The following ULK4 variants were observed in gnomAD, a reference collection of about 807,000 sequenced individuals.
ULK4 encodes inactive serine/threonine-protein kinase ULK4.
Under a neutral mutation model 160.6 loss-of-function variants are expected in ULK4, and 133 were observed. That is an observed-to-expected ratio of 0.83 (90% CI 0.72 to 0.96). The LOEUF (loss-of-function observed/expected upper bound fraction) is 0.96, where lower values mean the gene tolerates loss of function less well. Among genes scored for constraint, ULK4 ranks in the 40% least tolerant of loss-of-function variants. The pLI, the probability that ULK4 is intolerant of heterozygous loss-of-function variation, is 0.00. For synonymous variants in ULK4, 534 were observed against 539.8 expected, an observed-to-expected ratio of 0.99 and a Z score of 0.15; for missense variants, 1,580 against 1,499.5, an observed-to-expected ratio of 1.05 and a Z score of -0.89.
At chr3:41,617,506 G>A (rs145341558) in intron 30 of ULK4, among the ~76,000 whole-genome samples, 1 of 152,116 alleles carries the variant, frequency 6.6e-6, no homozygotes, top group Non-Finnish European at 1.5e-5. Context: ...CCAGCAAACT[G>A]CAGTAGACCT....
chr3:41,936,380 C>A (rs911197171), intron 3 of ULK4, among the ~76,000 whole-genome samples: 1 of 152,176 alleles, frequency 6.6e-6, no homozygotes, highest in African/African-American at 2.4e-5. Flanking sequence ...ACCCTTAGCA[C>A]GCGCCATTGA....
At chr3:41,306,705 A>C (rs2079947281) in intron 35 of ULK4, among the ~76,000 whole-genome samples, 1 of 152,054 alleles carries the variant, frequency 6.6e-6, no homozygotes, top group Non-Finnish European at 1.5e-5. Flanking sequence ...GGAATAGAAA[A>C]GGGGGAAAGG....
intron 30 of ULK4, among the ~76,000 whole-genome samples, chr3:41,642,662 G>A (rs1197735903): frequency 1.3e-5 from 2 of 152,160 alleles, no homozygotes; most frequent in Non-Finnish European, 2.9e-5. Flanking sequence ...GTGTGCATGT[G>A]TCTTTATAGC....
intron 18 of ULK4, among the ~76,000 whole-genome samples, chr3:41,821,935 AC>A (rs2041159801): frequency 1.3e-5 from 2 of 152,254 alleles, no homozygotes; most frequent in South Asian, 4.1e-4. Context: ...GCCTTAAACT[AC>A]ATTCAGCCCT....
chr3:41,287,416 T>C (rs1247467558), intron 35 of ULK4, among the ~76,000 whole-genome samples: 1 of 152,230 alleles, frequency 6.6e-6, no homozygotes. Flanking sequence ...CTTCCTCTGT[T>C]TTCTGCCCCT....
intron 35 of ULK4, among the ~76,000 whole-genome samples, chr3:41,358,042 C>T (rs984342753): frequency 2.0e-5 from 3 of 152,208 alleles, no homozygotes; most frequent in Admixed American, 1.3e-4. Flanking sequence ...CCAGTAAGTG[C>T]TGGAGGCAGG....
intron 32 of ULK4, among the ~76,000 whole-genome samples, chr3:41,504,742 A>G (rs555329261): frequency 6.6e-6 from 1 of 152,350 alleles, no homozygotes; most frequent in East Asian, 1.9e-4. Flanking sequence ...ATATAGTTAC[A>G]CTTAGGTCTA....
At chr3:41,503,724 C>G (rs1396262734) in intron 32 of ULK4, among the ~76,000 whole-genome samples, 1 of 151,958 alleles carries the variant, frequency 6.6e-6, no homozygotes, top group Non-Finnish European at 1.5e-5. Flanking sequence ...ATGTTTTTGT[C>G]TTTTAAAAAA....
intron 34 of ULK4, among the ~76,000 whole-genome samples, chr3:41,435,951 CATAAATAAATAAATAA>C (rs58982909): frequency 4.7e-5 from 7 of 150,236 alleles, no homozygotes; most frequent in South Asian, 2.1e-4. Context: ...CCGTCTCATT[CATAAATAAATAAATAA>C]ATAAATAAAT....
intron 35 of ULK4, among the ~76,000 whole-genome samples, chr3:41,302,887 C>G (rs1263763359): frequency 6.6e-6 from 1 of 151,980 alleles, no homozygotes; most frequent in East Asian, 1.9e-4. Flanking sequence ...TTTAAATGTT[C>G]AGAAATCTAA....
intron 34 of ULK4, among the ~76,000 whole-genome samples, chr3:41,449,673 T>C (rs893809769): frequency 2.6e-5 from 4 of 151,908 alleles, no homozygotes; most frequent in Non-Finnish European, 5.9e-5. Context: ...CCACCACCAT[T>C]TGAAAAGAAA....
At chr3:41,644,196 C>G (rs747618255) in intron 30 of ULK4, among the ~76,000 whole-genome samples, 1 of 152,038 alleles carries the variant, frequency 6.6e-6, no homozygotes, top group Non-Finnish European at 1.5e-5. Flanking sequence ...CCTTCTCCTG[C>G]CTAATTGTCC....
intron 22 of ULK4, among the ~76,000 whole-genome samples, chr3:41,724,349 G>C (rs13070264): frequency 6.6e-6 from 1 of 152,110 alleles, no homozygotes; most frequent in East Asian, 1.9e-4. Flanking sequence ...AGCATGCCTC[G>C]ATTCAGTTTC....
rs140234589 is a variant in ULK4, at chr3:41,715,343, G to A, written c.2578-50C>T. 1.1e-3 allele frequency: 1,695 copies of A among 1,609,970 alleles called. 10 individuals carry two copies. The African/African-American group carries it at 0.019, about 18-fold the overall frequency. Reference sequence around the variant, plus strand: ...TTAAATTCTGGAAGCTATGTACAACGTTAGCTCAATAAAAAAAAAATGTTT... The same window carrying A: ...TTAAATTCTGGAAGCTATGTACAACATTAGCTCAATAAAAAAAAAATGTTT... On this transcript the variant is annotated intron_variant, in intron 24 of 36. Coordinates refer to ENST00000301831, the MANE Select transcript of ULK4 (RefSeq NM_017886.4).
At chr3:41,913,142 G>T in intron 8 of ULK4, 1 of 303,814 alleles carries the variant, frequency 3.3e-6, no homozygotes. Flanking sequence ...AGCATTAGAA[G>T]TTTCAGGGTT....
rs1491135487 is a variant in ULK4, at chr3:41,506,765, A to AAAAAAAAAAAATATATATATAT, written c.3227-43513_3227-43512insATATATATATATTTTTTTTTTT. Among the ~76,000 whole-genome samples, 19 of 10,460 alleles carry AAAAAAAAAAAATATATATATAT rather than the reference A, an allele frequency of 1.8e-3. 3 individuals are homozygous for AAAAAAAAAAAATATATATATAT. The highest frequency in any genetic ancestry group is 4.2e-3 in the African/African-American group (15 of 3,576). 6.9% of individuals were successfully genotyped at this position (10,460 alleles called of 152,430 possible). ...AAAGCAATACACTGGAGTGTGATTT[A>AAAAAAAAAAAATATATATATAT]AAATATATATATATATATATATATA... On this transcript the variant is annotated intron_variant, in intron 32 of 36. Transcript: ENST00000301831.
chr3:41,789,430 T>C (rs1158786282), intron 21 of ULK4, among the ~76,000 whole-genome samples: 2 of 152,196 alleles, frequency 1.3e-5, no homozygotes, highest in South Asian at 2.1e-4. Context: ...TTAACATTAC[T>C]GAAATGGGAC....
chr3:41,627,319 AGG>A (rs2033561196), intron 30 of ULK4, among the ~76,000 whole-genome samples: 1 of 152,182 alleles, frequency 6.6e-6, no homozygotes, highest in African/African-American at 2.4e-5. Flanking sequence ...ATGACAGGAC[AGG>A]TCCATGGAGA....
intron 14 of ULK4, 83 bp from the exon 15 acceptor site, chr3:41,897,086 T>C: frequency 8.0e-7 from 1 of 1,249,620 alleles, no homozygotes. Context: ...AAACACAGAA[T>C]TACGACAGCT....
Sources: allele counts gnomAD v4.1 joint callset (sites outside exome capture counted in the v4.1 genomes callset), GRCh38; gene constraint gnomAD v4.1.1; transcripts MANE v1.5; gene names NCBI Gene and HGNC (gene_info 2026-07-23, HGNC 2026-07-21).